KCNH8: variants seen among roughly 807,000 people sequenced by gnomAD.
The protein encoded by KCNH8 is voltage-gated delayed rectifier potassium channel KCNH8.
Under a neutral mutation model 103.6 loss-of-function variants are expected in KCNH8, and 70 were observed. The observed-to-expected ratio is 0.68, with a 90% CI of 0.56 to 0.82. The LOEUF is 0.82. KCNH8 is among the 40% of genes least tolerant of loss of function. KCNH8 has a pLI of 0.00. For missense variants in KCNH8, 1,217 were observed against 1,329.9 expected (o/e 0.92, Z 1.32); for synonymous variants, 498 against 489.4 (o/e 1.02, Z -0.23).
intron 2 of KCNH8, among the ~76,000 whole-genome samples, chr3:19,262,870 A>G (rs866656962): frequency 1.3e-5 from 2 of 152,074 alleles, no homozygotes; most frequent in Admixed American, 6.6e-5. Context: ...CTGGGGAGAA[A>G]GGAAAGATCA....
chr3:19,380,795 A>G (rs561144556), intron 5 of KCNH8, among the ~76,000 whole-genome samples: 211 of 152,348 alleles, frequency 1.4e-3, no homozygotes, highest in Non-Finnish European at 2.3e-3. Context: ...GTGGCTTGAT[A>G]CTATTGATCT....
chr3:19,427,938 T>G (rs999799102), intron 7 of KCNH8, among the ~76,000 whole-genome samples: 5 of 152,184 alleles, frequency 3.3e-5, no homozygotes, highest in African/African-American at 1.2e-4. Flanking sequence ...TAGCTATTTC[T>G]ATGAAAGAGA....
intron 5 of KCNH8, among the ~76,000 whole-genome samples, chr3:19,386,155 A>G (rs948879055): frequency 2.6e-5 from 4 of 152,154 alleles, no homozygotes; most frequent in Admixed American, 1.3e-4. Flanking sequence ...GTCCGCATAA[A>G]TAGACACTTA....
Position 19,202,296 on chromosome 3 carries a change from G to A in KCNH8, c.77-51358G>A, listed in dbSNP as rs150121195. ...TTATTTATTTTATTAAGATGAGCTG[G>A]GTTGGGTTTGATATATTTCTACTTT... is the stretch of plus-strand genomic sequence containing the variant. On this transcript the variant is annotated intron_variant, in intron 1 of 15. Coordinates refer to ENST00000328405, the MANE Select transcript of KCNH8 (RefSeq NM_144633.3). Among the ~76,000 whole-genome samples, 14 of 152,144 alleles carry A rather than the reference G, an allele frequency of 9.2e-5. No homozygotes were observed. The East Asian group carries it at 2.5e-3, about 27-fold the overall frequency.
intron 11 of KCNH8, among the ~76,000 whole-genome samples, chr3:19,506,832 G>T (rs2068702366): frequency 6.6e-6 from 1 of 152,016 alleles, no homozygotes; most frequent in African/African-American, 2.4e-5. Flanking sequence ...CCCAAGCTGG[G>T]GGCACCCTAC....
intron 14 of KCNH8, among the ~76,000 whole-genome samples, chr3:19,515,854 T>C (rs1286760069): frequency 1.3e-5 from 2 of 152,068 alleles, no homozygotes; most frequent in Non-Finnish European, 2.9e-5. Context: ...GTTTTCCAGA[T>C]GATAAATAAC....
At chr3:19,356,317 C>T (rs2065881706) in intron 5 of KCNH8, among the ~76,000 whole-genome samples, 2 of 151,862 alleles carry the variant, frequency 1.3e-5, no homozygotes, top group African/African-American at 4.8e-5. Context: ...ATTTTTACCT[C>T]AGAACTCATT....
intron 8 of KCNH8, among the ~76,000 whole-genome samples, chr3:19,443,583 G>C (rs2067314221): frequency 6.6e-6 from 1 of 151,310 alleles, no homozygotes; most frequent in Non-Finnish European, 1.5e-5. Context: ...ATAAATCAGA[G>C]AGATTTAAAG....
At chr3:19,151,234 A>T (rs77911940) in intron 1 of KCNH8, among the ~76,000 whole-genome samples, 1 of 151,970 alleles carries the variant, frequency 6.6e-6, no homozygotes, top group Admixed American at 6.6e-5. Context: ...CCTTACTTCT[A>T]TTGATTTTTA....
chr3:19,376,632 C>T (rs772559486), intron 5 of KCNH8, among the ~76,000 whole-genome samples: 5 of 152,190 alleles, frequency 3.3e-5, no homozygotes, highest in African/African-American at 4.8e-5. Flanking sequence ...TCCCTGTATA[C>T]ATATTTTAAA....
In KCNH8 at chr3:19,517,356, C is replaced by T. The variant is rs2068892058; in HGVS notation, c.2543-642C>T. Among the ~76,000 whole-genome samples the T allele has an allele frequency of 2.0e-5, 3 of 152,078 alleles. No individual in the cohort carries two copies. The South Asian group carries it at 6.2e-4, about 32-fold the overall frequency. On this transcript the variant is annotated intron_variant, in intron 14 of 15. Transcript: ENST00000328405. The stretch of plus-strand genomic sequence containing the variant: ...CAACAAGTTTTCTCCTCATAATTGA[C>T]CAGAATTAGGATGGTCTTATCTGTC...
chr3:19,261,896 C>G (rs934258282), intron 2 of KCNH8, among the ~76,000 whole-genome samples: 1 of 151,516 alleles, frequency 6.6e-6, no homozygotes, highest in African/African-American at 2.4e-5. Context: ...TTTTTGATGT[C>G]CTTGTCAAAA....
intron 1 of KCNH8, among the ~76,000 whole-genome samples, chr3:19,208,676 C>G (rs1038176096): frequency 6.6e-6 from 1 of 151,896 alleles, no homozygotes; most frequent in African/African-American, 2.4e-5. Flanking sequence ...AAATGCTGAG[C>G]ACCATTAAGT....
At chr3:19,288,780 G>A (rs1236163929) in intron 3 of KCNH8, among the ~76,000 whole-genome samples, 1 of 152,130 alleles carries the variant, frequency 6.6e-6, no homozygotes, top group Non-Finnish European at 1.5e-5. Flanking sequence ...GGTATTTCTA[G>A]TTCTAGATCC....
chr3:19,233,924 G>C (rs1487225149), intron 1 of KCNH8, among the ~76,000 whole-genome samples: 1 of 152,154 alleles, frequency 6.6e-6, no homozygotes. Context: ...GCAGACCTTC[G>C]CGGTGAGTGT....
chr3:19,243,294 C>T (rs1377663001), intron 1 of KCNH8, among the ~76,000 whole-genome samples: 1 of 152,126 alleles, frequency 6.6e-6, no homozygotes, highest in Non-Finnish European at 1.5e-5. Flanking sequence ...CTTGCAGACT[C>T]CCAGAGACTT....
At chr3:19,510,934 G>A (rs9835295) in intron 12 of KCNH8, among the ~76,000 whole-genome samples, 15,804 of 152,178 alleles carry the variant, frequency 0.1, 1,506 homozygotes, top group African/African-American at 0.24. Flanking sequence ...ATTACCTAAT[G>A]CATTATGAAG....
At chr3:19,502,882 C>G (rs1426227052) in intron 11 of KCNH8, among the ~76,000 whole-genome samples, 5 of 151,698 alleles carry the variant, frequency 3.3e-5, no homozygotes, top group African/African-American at 9.7e-5. Flanking sequence ...GACTTCATGT[C>G]TAAAACACCA....
intron 3 of KCNH8, among the ~76,000 whole-genome samples, chr3:19,297,356 C>T (rs2065009802): frequency 6.6e-6 from 1 of 152,132 alleles, no homozygotes; most frequent in South Asian, 2.1e-4. Context: ...AACTATATTT[C>T]ATCTTACAAT....
Sources: allele counts gnomAD v4.1 joint callset (sites outside exome capture counted in the v4.1 genomes callset), GRCh38; gene constraint gnomAD v4.1.1; transcripts MANE v1.5; gene names NCBI Gene and HGNC (gene_info 2026-07-23, HGNC 2026-07-21).